NRXN3: variants seen among roughly 807,000 people sequenced by gnomAD.
NRXN3 encodes the protein neurexin 3, also known as neurexin III.
In NRXN3, 32 loss-of-function variants were observed where a neutral mutation model predicts 137.6. The ratio of observed to expected loss-of-function variants is 0.23; its 90% confidence interval spans 0.18 to 0.31. The LOEUF is 0.31. Ranked by LOEUF, NRXN3 falls within the 10% of genes least tolerant of loss-of-function variation. The probability of loss-of-function intolerance (pLI) is 1.00; values close to 1 mark genes in which losing one functional copy is unlikely to be tolerated. For missense variants in NRXN3, 1,574 were observed against 2,062.5 expected (o/e 0.76, Z 4.59); for synonymous variants, 798 against 784.5 (o/e 1.02, Z -0.29).
intron 10 of NRXN3, among the ~76,000 whole-genome samples, chr14:78,911,634 A>G (rs1428282526): frequency 6.6e-6 from 1 of 152,172 alleles, no homozygotes; most frequent in Non-Finnish European, 1.5e-5. Context: ...AATATGTTTT[A>G]CCAAACCTAT....
chr14:78,813,759 A>G (rs558981387), intron 10 of NRXN3, among the ~76,000 whole-genome samples: 1 of 152,266 alleles, frequency 6.6e-6, no homozygotes, highest in African/African-American at 2.4e-5. Flanking sequence ...CAAGAGCATG[A>G]AAAAGAAGGA....
chr14:79,145,691 C>T (rs1294590200), intron 15 of NRXN3, among the ~76,000 whole-genome samples: 1 of 152,144 alleles, frequency 6.6e-6, no homozygotes, highest in Non-Finnish European at 1.5e-5. Flanking sequence ...CAATTAATTC[C>T]TTGGTACTCC....
intron 19 of NRXN3, among the ~76,000 whole-genome samples, chr14:79,789,795 C>G (rs1457299678): frequency 6.6e-6 from 1 of 152,162 alleles, no homozygotes; most frequent in Admixed American, 6.5e-5. Context: ...TGACCTGCAT[C>G]TTGTGCTGAC....
rs113817503 is a variant in NRXN3, at chr14:78,878,465, G to A, written c.2275+68121G>A. ...ATGCAAAATGAATTTCTCAGTAACT[G>A]TTTTGTGTGTAGGTAATTTTAAGTG... On this transcript the variant is annotated intron_variant, in intron 10 of 20. Coordinates refer to ENST00000335750, the MANE Select transcript of NRXN3 (RefSeq NM_001330195.2). 1.8e-3 allele frequency among the ~76,000 whole-genome samples: 273 copies of A among 152,220 alleles called. 1 individual carries two copies. The highest frequency in any genetic ancestry group is 5.8e-3 in the African/African-American group (241 of 41,552).
chr14:78,747,153 G>A (rs1027175542), intron 8 of NRXN3, among the ~76,000 whole-genome samples: 2 of 152,108 alleles, frequency 1.3e-5, no homozygotes, highest in African/African-American at 4.8e-5. Flanking sequence ...AAAGTCTGGT[G>A]TTTCACATTC....
chr14:78,562,986 T>A (rs2096801332), intron 4 of NRXN3, among the ~76,000 whole-genome samples: 1 of 152,164 alleles, frequency 6.6e-6, no homozygotes, highest in African/African-American at 2.4e-5. Flanking sequence ...GCTGCAATCA[T>A]TTGGTGTCTG....
intron 15 of NRXN3, among the ~76,000 whole-genome samples, chr14:79,204,579 T>C (rs1597248869): frequency 6.6e-6 from 1 of 152,198 alleles, no homozygotes; most frequent in East Asian, 1.9e-4. Flanking sequence ...TACATATTCC[T>C]TGTGAGGGTG....
intron 8 of NRXN3, among the ~76,000 whole-genome samples, chr14:78,778,802 T>TTC (rs2098757439): frequency 6.9e-6 from 1 of 143,912 alleles, no homozygotes; most frequent in Non-Finnish European, 1.5e-5. Flanking sequence ...CTTTCTTTCT[T>TTC]TCTTTCTTTC....
At chr14:78,341,582 G>A (rs2153581887) in intron 4 of NRXN3, among the ~76,000 whole-genome samples, 2 of 152,266 alleles carry the variant, frequency 1.3e-5, no homozygotes, top group South Asian at 2.1e-4. Flanking sequence ...TTTGGCCTGT[G>A]GCTGGCTGTC....
intron 15 of NRXN3, among the ~76,000 whole-genome samples, chr14:79,102,332 T>G (rs1045803544): frequency 7.2e-5 from 11 of 152,116 alleles, no homozygotes; most frequent in Non-Finnish European, 8.8e-5. Context: ...AAATGCTACT[T>G]CAATTTTATA....
At chr14:79,365,725 CAAAA>C (rs569855024) in intron 15 of NRXN3, among the ~76,000 whole-genome samples, 1 of 42,408 alleles carries the variant, frequency 2.4e-5, no homozygotes, top group Non-Finnish European at 4.2e-5. Context: ...GACTCTGTCT[CAAAA>C]AAAAAAAAAA....
rs1491411590 is a variant in NRXN3, at chr14:79,259,707, T to TAC, written c.3263-207513_3263-207512insCA. ...TATATATAGTTTATATATATAGTTTTATACACACACACACACACACACACA... is the reference window on the plus strand; with the variant it reads ...TATATATAGTTTATATATATAGTTTTACATACACACACACACACACACACACA... On this transcript the variant is annotated intron_variant, in intron 15 of 20. Coordinates refer to ENST00000335750, the MANE Select transcript of NRXN3 (RefSeq NM_001330195.2). Among the ~76,000 whole-genome samples the TAC allele has an allele frequency of 1.5e-3, 84 of 57,298 alleles. 1 individual carries two copies. In the East Asian group the frequency reaches 0.045, roughly 31 times the overall value. 37.6% of individuals were successfully genotyped at this position (57,298 alleles called of 152,430 possible). A position where few individuals can be genotyped will look rare whatever the true frequency, so the allele number is the denominator to read the frequency against.
chr14:79,090,074 T>C (rs2048874578), intron 15 of NRXN3, among the ~76,000 whole-genome samples: 2 of 152,130 alleles, frequency 1.3e-5, no homozygotes, highest in Admixed American at 1.3e-4. Flanking sequence ...CATGGATAGG[T>C]ATTTATATAT....
intron 6 of NRXN3, among the ~76,000 whole-genome samples, chr14:78,662,673 C>A (rs1184061118): frequency 6.6e-6 from 1 of 152,074 alleles, no homozygotes; most frequent in East Asian, 1.9e-4. Context: ...CGATGAATGA[C>A]CTATCTGCAA....
At position 78,577,716 on chromosome 14, in the gene NRXN3, C is replaced by T. The variant is rs560063396; in HGVS notation, c.758-67404C>T. On this transcript the variant is annotated intron_variant, in intron 4 of 20. Transcript: ENST00000335750. ...CTGACCTCAGGTGATCCACCCGCCT[C>T]GGCCTCCCATAGGTGAATTTTAAAA... is the stretch of plus-strand genomic sequence containing the variant. Among the ~76,000 whole-genome samples, 302 of 152,258 alleles carry T rather than the reference C, an allele frequency of 2.0e-3. 1 individual carries two copies. The highest frequency in any genetic ancestry group is 2.7e-3 in the Non-Finnish European group (184 of 68,020).
chr14:79,306,403 T>C (rs1036834834), intron 15 of NRXN3, among the ~76,000 whole-genome samples: 1 of 152,120 alleles, frequency 6.6e-6, no homozygotes, highest in Non-Finnish European at 1.5e-5. Context: ...CAGCACTCTG[T>C]GTTTTTAAAT....
chr14:79,465,592 T>G (rs960664721), intron 15 of NRXN3, among the ~76,000 whole-genome samples: 1 of 152,192 alleles, frequency 6.6e-6, no homozygotes, highest in African/African-American at 2.4e-5. Context: ...AGAGTTAACT[T>G]TATTATTTCT....
intron 4 of NRXN3, among the ~76,000 whole-genome samples, chr14:78,437,272 A>G (rs527463108): frequency 7.9e-5 from 12 of 152,116 alleles, no homozygotes; most frequent in Non-Finnish European, 1.5e-4. Context: ...AATTCAACCC[A>G]CAGGTAGCCT....
intron 15 of NRXN3, among the ~76,000 whole-genome samples, chr14:79,214,903 A>G (rs1363804053): frequency 6.6e-6 from 1 of 152,138 alleles, no homozygotes; most frequent in African/African-American, 2.4e-5. Context: ...TATGAAAAAT[A>G]TTTTCCTTCC....
Sources: allele counts gnomAD v4.1 joint callset (sites outside exome capture counted in the v4.1 genomes callset), GRCh38; gene constraint gnomAD v4.1.1; transcripts MANE v1.5; gene names NCBI Gene and HGNC (gene_info 2026-07-23, HGNC 2026-07-21).